NHSL1: variants seen among roughly 807,000 people sequenced by gnomAD.
NHSL1 encodes NHS-like protein 1.
A neutral mutation model predicts 95.0 loss-of-function variants in NHSL1; 48 were observed. The ratio of observed to expected loss-of-function variants is 0.51; its 90% CI spans 0.40 to 0.64. NHSL1 has a LOEUF of 0.64. Ranked by LOEUF, NHSL1 falls within the 30% of genes least tolerant of loss-of-function variation. The probability of loss-of-function intolerance (pLI) is 0.00; values close to 1 mark genes in which losing one functional copy is unlikely to be tolerated. For synonymous variants in NHSL1, 783 were observed against 833.9 expected, an observed-to-expected ratio of 0.94 and a Z score of 1.05; for missense variants, 1,971 against 2,077.7, an observed-to-expected ratio of 0.95 and a Z score of 1.00.
chr6:138,520,280 CTTTTTTTTTTTTT>C (rs397888767), intron 1 of NHSL1, among the ~76,000 whole-genome samples: 4 of 80,942 alleles, frequency 4.9e-5, no homozygotes, highest in East Asian at 4.8e-4. Context: ...TAGTTTAATT[CTTTTTTTTTTTTT>C]TTTTTTTTTT....
intron 1 of NHSL1, among the ~76,000 whole-genome samples, chr6:138,523,013 C>T (rs1781746672): frequency 6.6e-6 from 1 of 152,026 alleles, no homozygotes; most frequent in African/African-American, 2.4e-5. Context: ...AAGGAAGGGT[C>T]TCTGTCCCCC....
chr6:138,506,264 TTA>T (rs1306885221), intron 1 of NHSL1, among the ~76,000 whole-genome samples: 2 of 152,222 alleles, frequency 1.3e-5, no homozygotes, highest in African/African-American at 4.8e-5. Flanking sequence ...AAGGTAAGAA[TTA>T]TGTTTCCTGT....
chr6:138,581,323 A>G (rs1271490729), intron 1 of NHSL1, among the ~76,000 whole-genome samples: 1 of 152,144 alleles, frequency 6.6e-6, no homozygotes, highest in Non-Finnish European at 1.5e-5. Flanking sequence ...TCATAAAAGC[A>G]AAAGTTTGGA....
upstream of NHSL1, among the ~76,000 whole-genome samples, chr6:138,577,227 T>C (rs1783985234): frequency 6.6e-6 from 1 of 152,234 alleles, no homozygotes; most frequent in African/African-American, 2.4e-5. Flanking sequence ...GATATAGGAT[T>C]AGACAAACCT....
intron 1 of NHSL1, among the ~76,000 whole-genome samples, chr6:138,673,191 C>T (rs1439290805): frequency 6.6e-6 from 1 of 151,784 alleles, no homozygotes; most frequent in East Asian, 1.9e-4. Flanking sequence ...ACTGTAAAAA[C>T]TGTATGATAT....
chr6:138,457,038 G>A (rs570799079), intron 3 of NHSL1, among the ~76,000 whole-genome samples: 4 of 152,004 alleles, frequency 2.6e-5, no homozygotes, highest in East Asian at 3.9e-4. Flanking sequence ...ATGCCACCAC[G>A]CCTGGCTAAT....
At chr6:138,427,952 C>G (rs190140790) in intron 7 of NHSL1, among the ~76,000 whole-genome samples, 10 of 152,356 alleles carry the variant, frequency 6.6e-5, no homozygotes, top group Admixed American at 1.3e-4. Flanking sequence ...GCTTTGACTT[C>G]TCTCATACGT....
intron 1 of NHSL1, among the ~76,000 whole-genome samples, chr6:138,551,850 G>A (rs1263566504): frequency 1.3e-5 from 2 of 152,208 alleles, no homozygotes; most frequent in African/African-American, 2.4e-5. Context: ...AACATCATCC[G>A]AGCCTGTATC....
chr6:138,590,929 C>T (rs1034687298), intron 1 of NHSL1, among the ~76,000 whole-genome samples: 15 of 152,198 alleles, frequency 9.9e-5, no homozygotes, highest in African/African-American at 3.4e-4. Context: ...TGGAACAACA[C>T]AGAGAGAGGC....
intron 1 of NHSL1, among the ~76,000 whole-genome samples, chr6:138,593,001 T>C (rs1205758611): frequency 1.3e-5 from 2 of 152,216 alleles, no homozygotes; most frequent in Non-Finnish European, 2.9e-5. Context: ...AACTCTGTCA[T>C]GGCAGTTCAC....
At chr6:138,650,167 AGGCCTCACTCATGGT>A (rs59011225) in intron 1 of NHSL1, 6,002 of 564,058 alleles carry the variant, frequency 0.011, 261 homozygotes, top group African/African-American at 0.098. Flanking sequence ...CGAGATGGTC[AGGCCTCACTCATGGT>A]GGCCAGGTTA....
chr6:138,664,319 G>A (rs919232529), intron 1 of NHSL1, among the ~76,000 whole-genome samples: 3 of 152,132 alleles, frequency 2.0e-5, no homozygotes, highest in African/African-American at 4.8e-5. Context: ...AAATTCTTAC[G>A]CGCCAAGTAG....
At position 138,661,943 on chromosome 6, in the gene NHSL1, G is replaced by A. The variant is rs150121362; in HGVS notation, c.96+30533C>T. On this transcript the variant is annotated intron_variant, in intron 1 of 3. Transcript: ENST00000491526. ...AAAATAATTAGCCAGAAGTGGTGGC[G>A]TGCACCTGTAGCCTCAGCTACTTGA... Among the ~76,000 whole-genome samples, 749 of 152,046 alleles carry A rather than the reference G, an allele frequency of 4.9e-3. 2 individuals carry two copies. Among genetic ancestry groups the A allele is most frequent in the African/African-American group, 0.017 (720 of 41,460 alleles).
chr6:138,428,604 G>C (rs138004738), intron 7 of NHSL1, among the ~76,000 whole-genome samples: 1 of 152,124 alleles, frequency 6.6e-6, no homozygotes, highest in Admixed American at 6.5e-5. Context: ...CACCGGCTTC[G>C]TTCCCCCCAC....
intron 1 of NHSL1, among the ~76,000 whole-genome samples, chr6:138,591,426 T>C (rs561033531): frequency 1.3e-5 from 2 of 152,344 alleles, no homozygotes; most frequent in Admixed American, 6.5e-5. Context: ...TTTTCTTTTA[T>C]TATTTGAGAT....
chr6:138,556,842 AAT>A (rs953514888), intron 1 of NHSL1, among the ~76,000 whole-genome samples: 14 of 152,242 alleles, frequency 9.2e-5, no homozygotes, highest in Middle Eastern at 3.4e-3. Context: ...TGACTTTTTA[AAT>A]ATAGAGGATA....
intron 5 of NHSL1, among the ~76,000 whole-genome samples, chr6:138,437,365 T>TACACATATATATATATACAC (rs1554222042): frequency 2.2e-5 from 2 of 91,150 alleles, no homozygotes; most frequent in Admixed American, 1.3e-4. Flanking sequence ...TACACATATA[T>TACACATATATATATATACAC]ATATATACAC....
chr6:138,460,297 T>A (rs1226523666), intron 3 of NHSL1, among the ~76,000 whole-genome samples: 1 of 152,208 alleles, frequency 6.6e-6, no homozygotes, highest in Non-Finnish European at 1.5e-5. Flanking sequence ...TGATACAATG[T>A]ATAAACTGGA....
chr6:138,542,476 A>C (rs1356482666), intron 1 of NHSL1, among the ~76,000 whole-genome samples: 2 of 152,234 alleles, frequency 1.3e-5, no homozygotes, highest in Non-Finnish European at 2.9e-5. Context: ...TTAGTACAGG[A>C]AATGAGATTA....
Sources: gnomAD v4.1 joint callset for allele counts (sites outside exome capture counted in the v4.1 genomes callset) on GRCh38, gnomAD v4.1.1 for gene constraint, MANE v1.5 for transcripts, NCBI Gene and HGNC (gene_info 2026-07-23, HGNC 2026-07-21) for gene names.